WWC1: variants seen among roughly 807,000 people sequenced by gnomAD.
WWC1 encodes the protein WW and C2 domain containing 1, also known as protein KIBRA.
WWC1 carries 55 observed loss-of-function variants against 138.4 expected under a neutral mutation model. That is an observed-to-expected ratio of 0.40 (90% CI 0.32 to 0.50). WWC1 has a LOEUF of 0.50. Ranked by LOEUF, WWC1 falls within the 20% of genes least tolerant of loss-of-function variation. The probability of loss-of-function intolerance (pLI) is 0.72; values close to 1 mark genes in which losing one functional copy is unlikely to be tolerated. For missense variants in WWC1, 1,226 were observed against 1,420.4 expected, an observed-to-expected ratio of 0.86 and a Z score of 2.20; for synonymous variants, 524 against 564.9, an observed-to-expected ratio of 0.93 and a Z score of 1.03.
chr5:168,357,514 G>A (rs557878294), intron 1 of WWC1, among the ~76,000 whole-genome samples: 108 of 151,060 alleles, frequency 7.1e-4, no homozygotes, highest in African/African-American at 2.5e-3. Flanking sequence ...ACGCATGCAC[G>A]TGCGTGCATG....
intron 1 of WWC1, among the ~76,000 whole-genome samples, chr5:168,324,855 A>G (rs1457895660): frequency 6.6e-6 from 1 of 152,256 alleles, no homozygotes; most frequent in African/African-American, 2.4e-5. Flanking sequence ...TACCAATACT[A>G]ATCAAAAGAA....
At chr5:168,333,154 A>G (rs998373289) in intron 1 of WWC1, among the ~76,000 whole-genome samples, 16 of 152,244 alleles carry the variant, frequency 1.1e-4, no homozygotes, top group Admixed American at 1.3e-4. Flanking sequence ...CTGAAAGCCA[A>G]CTGGCATCTG....
At chr5:168,389,026 T>C (rs2152822186) in intron 3 of WWC1, among the ~76,000 whole-genome samples, 1 of 152,206 alleles carries the variant, frequency 6.6e-6, no homozygotes, top group South Asian at 2.1e-4. Context: ...TATTTAAAAT[T>C]CATGGCTCTA....
At chr5:168,400,309 C>A (rs547818510) in intron 5 of WWC1, among the ~76,000 whole-genome samples, 1 of 150,456 alleles carries the variant, frequency 6.6e-6, no homozygotes, top group Non-Finnish European at 1.5e-5. Flanking sequence ...ATTAGTTATT[C>A]TTCCTGATCC....
intron 20 of WWC1, among the ~76,000 whole-genome samples, chr5:168,462,886 A>T (rs1756938119): frequency 1.3e-5 from 2 of 152,130 alleles, no homozygotes; most frequent in Admixed American, 6.5e-5. Context: ...TTGCTCTGAG[A>T]ACTTGAGCCA....
Position 168,430,130 on chromosome 5 carries a change from A to G in WWC1, c.2001-7A>G. 1 of 1,609,374 alleles carries G rather than the reference A, an allele frequency of 6.2e-7. No individual in the cohort carries two copies. The highest frequency in any genetic ancestry group is 1.1e-5 in the South Asian group (1 of 90,862). On this transcript the variant is annotated splice_region_variant and splice_polypyrimidine_tract_variant and intron_variant, in intron 13 of 22. Transcript: ENST00000265293. ...ATAGGTACTTCATATGCCCCTTTTC[A>G]TTTCAGGTATGATGAGAAGAATAAG... is the stretch of plus-strand genomic sequence containing the variant.
intron 1 of WWC1, among the ~76,000 whole-genome samples, chr5:168,297,186 G>C (rs1228930827): frequency 6.6e-6 from 1 of 152,164 alleles, no homozygotes; most frequent in Admixed American, 6.5e-5. Flanking sequence ...GACATGCAGG[G>C]GACACTGAGG....
At chr5:168,398,981 A>C (rs1310626522) in intron 4 of WWC1, among the ~76,000 whole-genome samples, 1 of 152,244 alleles carries the variant, frequency 6.6e-6, no homozygotes, top group Non-Finnish European at 1.5e-5. Flanking sequence ...TAGGCCACAC[A>C]AACCAGCAGA....
intron 2 of WWC1, among the ~76,000 whole-genome samples, chr5:168,376,059 T>C (rs1777141046): frequency 6.6e-6 from 1 of 151,686 alleles, no homozygotes; most frequent in South Asian, 2.1e-4. Flanking sequence ...TATTTGTCTT[T>C]TTTTTTTTTC....
chr5:168,301,569 C>T lies in WWC1; in HGVS notation c.119+9298C>T, dbSNP rs535916295. Among the ~76,000 whole-genome samples the T allele has an allele frequency of 8.7e-5, 13 of 149,842 alleles. No individual in the cohort carries two copies. In the South Asian group the frequency reaches 1.7e-3, roughly 19 times the overall value. On this transcript the variant is annotated intron_variant, in intron 1 of 22. Coordinates refer to ENST00000265293, the MANE Select transcript of WWC1 (RefSeq NM_015238.3). ...AGGAGAGTCGCTTGAACCTGGGAGA[C>T]GGAGGTTGCAGTGAGTCGAGATTGT...
intron 1 of WWC1, among the ~76,000 whole-genome samples, chr5:168,297,804 AC>A (rs1769685178): frequency 6.6e-6 from 1 of 152,042 alleles, no homozygotes; most frequent in Non-Finnish European, 1.5e-5. Flanking sequence ...AATAATTCAC[AC>A]ATATTTTATG....
chr5:168,441,998 C>A, intron 16 of WWC1, 164 bp downstream of exon 16: 1 of 1,072,438 alleles, frequency 9.3e-7, no homozygotes. Context: ...CACTAAGGGG[C>A]AGGCGGCTCC....
intron 1 of WWC1, among the ~76,000 whole-genome samples, chr5:168,360,588 T>G (rs1775810994): frequency 6.6e-6 from 1 of 152,152 alleles, no homozygotes; most frequent in Admixed American, 6.6e-5. Context: ...TTAGGGGTGT[T>G]AAATTCTAGC....
At chr5:168,404,498 G>A (rs1053029248) in intron 5 of WWC1, among the ~76,000 whole-genome samples, 1 of 152,252 alleles carries the variant, frequency 6.6e-6, no homozygotes, top group Non-Finnish European at 1.5e-5. Flanking sequence ...GGGGGAGCCT[G>A]TGTTGAGACC....
intron 2 of WWC1, among the ~76,000 whole-genome samples, chr5:168,378,175 C>G (rs1350976774): frequency 6.6e-6 from 1 of 152,132 alleles, no homozygotes; most frequent in African/African-American, 2.4e-5. Context: ...AATACAAGGA[C>G]AAACACTCAA....
At chr5:168,387,134 G>C (rs1300422697) in intron 3 of WWC1, among the ~76,000 whole-genome samples, 1 of 152,166 alleles carries the variant, frequency 6.6e-6, no homozygotes, top group Admixed American at 6.5e-5. Context: ...TGTGCCCAGG[G>C]TCTTACAGCT....
chr5:168,353,361 G>A (rs938180254), intron 1 of WWC1, among the ~76,000 whole-genome samples: 4 of 152,210 alleles, frequency 2.6e-5, no homozygotes, highest in African/African-American at 4.8e-5. Context: ...AGACCCTGAG[G>A]CAGTCCTTGC....
intron 1 of WWC1, among the ~76,000 whole-genome samples, chr5:168,329,156 G>T (rs1772824134): frequency 6.6e-6 from 1 of 152,168 alleles, no homozygotes; most frequent in Non-Finnish European, 1.5e-5. Flanking sequence ...TCCTATCGGA[G>T]AGCTTCCAGG....
chr5:168,399,840 G>A (rs926887031), intron 5 of WWC1, among the ~76,000 whole-genome samples: 3 of 152,172 alleles, frequency 2.0e-5, no homozygotes, highest in East Asian at 1.9e-4. Flanking sequence ...CCACTCAGCC[G>A]AGTGTTACTA....
Sources: allele counts gnomAD v4.1 joint callset (sites outside exome capture counted in the v4.1 genomes callset), GRCh38; gene constraint gnomAD v4.1.1; transcripts MANE v1.5; gene names NCBI Gene and HGNC (gene_info 2026-07-23, HGNC 2026-07-21).